IQGAP2: variants seen among roughly 807,000 people sequenced by gnomAD.
IQGAP2 encodes the protein IQ motif containing GTPase activating protein 2.
A neutral mutation model predicts 201.3 loss-of-function variants in IQGAP2; 173 were observed. The ratio of observed to expected loss-of-function variants is 0.86; its 90% confidence interval spans 0.76 to 0.98. IQGAP2 has a LOEUF of 0.98. IQGAP2 is among the 50% of genes least tolerant of loss of function. The pLI, the probability that IQGAP2 is intolerant of heterozygous loss-of-function variation, is 0.00. For missense variants in IQGAP2, 1,687 were observed against 1,864.8 expected, an observed-to-expected ratio of 0.90 and a Z score of 1.76; for synonymous variants, 675 against 673.9, an observed-to-expected ratio of 1.00 and a Z score of -0.03.
At chr5:76,525,600 C>T (rs966421708) in intron 2 of IQGAP2, among the ~76,000 whole-genome samples, 2 of 152,098 alleles carry the variant, frequency 1.3e-5, no homozygotes, top group Non-Finnish European at 2.9e-5. Flanking sequence ...TAAATAAAGC[C>T]AGTAGTTCTC....
intron 2 of IQGAP2, among the ~76,000 whole-genome samples, chr5:76,512,463 C>A (rs1190865459): frequency 6.6e-6 from 1 of 152,130 alleles, no homozygotes; most frequent in Non-Finnish European, 1.5e-5. Context: ...AAATCAAAAC[C>A]TTTTAATTGC....
chr5:76,550,662 G>A (rs942437226), intron 2 of IQGAP2, among the ~76,000 whole-genome samples: 1 of 152,118 alleles, frequency 6.6e-6, no homozygotes, highest in Non-Finnish European at 1.5e-5. Flanking sequence ...GAGAGCACGG[G>A]GTTGGGGGTA....
At chr5:76,510,442 G>C (rs767407327) in intron 2 of IQGAP2, 1 of 289,350 alleles carries the variant, frequency 3.5e-6, no homozygotes, top group African/African-American at 2.3e-5. Context: ...CAGGGGTGGC[G>C]CCTGAGGGTC....
chr5:76,420,664 C>T (rs1156590847), intron 1 of IQGAP2, among the ~76,000 whole-genome samples: 1 of 152,154 alleles, frequency 6.6e-6, no homozygotes, highest in East Asian at 1.9e-4. Flanking sequence ...CGTGAGCCAC[C>T]GTGCCCAGCC....
At chr5:76,618,781 C>G in intron 13 of IQGAP2, 1 of 755,872 alleles carries the variant, frequency 1.3e-6, no homozygotes, top group Non-Finnish European at 2.1e-6. Context: ...ATTAGGCAGT[C>G]AACAAGCATA....
At chr5:76,431,700 G>A (rs1261607957) in intron 1 of IQGAP2, among the ~76,000 whole-genome samples, 2 of 152,012 alleles carry the variant, frequency 1.3e-5, no homozygotes, top group Non-Finnish European at 1.5e-5. Flanking sequence ...GCGCTTGCCT[G>A]TAGTCCCAGC....
intron 33 of IQGAP2, among the ~76,000 whole-genome samples, chr5:76,700,821 G>A (rs1747314278): frequency 6.6e-6 from 1 of 152,196 alleles, no homozygotes; most frequent in East Asian, 1.9e-4. Flanking sequence ...AAAATAGAGT[G>A]TAAGTTTTAT....
chr5:76,683,830 T>C lies in IQGAP2; in HGVS notation c.3818T>C (p.Leu1273Pro), dbSNP rs547879463. Reference sequence around the variant, plus strand: ...AACAAGGCAAATACACTAAGTCAGCTTTCAAAGACCGAGATTTCTCTTGTC... The same window carrying C: ...AACAAGGCAAATACACTAAGTCAGCCTTCAAAGACCGAGATTTCTCTTGTC... Reference protein sequence around the residue: ...DPNKANTLSQLSKTEISLVLT... With the variant: ...DPNKANTLSQPSKTEISLVLT... Residue 1273 changes from leucine to proline, a missense_variant, in exon 30 of 36, where the codon CTT becomes CCT. By Grantham distance (98) the Leu-to-Pro change is moderately conservative. Coordinates refer to ENST00000274364, the MANE Select transcript of IQGAP2 (RefSeq NM_006633.5). 20 of 1,613,820 alleles carry C rather than the reference T, an allele frequency of 1.2e-5. No individual in the cohort carries two copies. In the East Asian group the frequency reaches 4.2e-4, roughly 34 times the overall value.
rs772878589 is a variant in IQGAP2 at position 76,426,933 on chromosome 5, T to TGTGTGTGTG, written c.46+23345_46+23346insTGTGTGGTG. ...GTGTGTGTGTGTGTGTGTGTGTGTGTGTGAGTGTGTGCAGGACTTTACTGA... is the reference window on the plus strand; with the variant it reads ...GTGTGTGTGTGTGTGTGTGTGTGTGTGTGTGTGTGGTGAGTGTGTGCAGGACTTTACTGA... On this transcript the variant is annotated intron_variant, in intron 1 of 35. Transcript: ENST00000274364. Among the ~76,000 whole-genome samples, 52 of 151,958 alleles carry TGTGTGTGTG rather than the reference T, an allele frequency of 3.4e-4. No individual in the cohort carries two copies. In the South Asian group the frequency reaches 8.3e-3, roughly 24 times the overall value.
chr5:76,641,256 G>A (rs996865599), intron 17 of IQGAP2, among the ~76,000 whole-genome samples, 153 bp downstream of exon 17: 1 of 152,086 alleles, frequency 6.6e-6, no homozygotes, highest in Non-Finnish European at 1.5e-5. Context: ...CTTCACTAAG[G>A]CTTTAAAATA....
At chr5:76,535,004 G>A (rs564348952) in intron 2 of IQGAP2, among the ~76,000 whole-genome samples, 3 of 152,280 alleles carry the variant, frequency 2.0e-5, no homozygotes, top group East Asian at 3.9e-4. Flanking sequence ...AAGTTGGAGC[G>A]TGGCATGTTC....
At chr5:76,596,039 C>A (rs1020377057) in intron 9 of IQGAP2, among the ~76,000 whole-genome samples, 2 of 152,046 alleles carry the variant, frequency 1.3e-5, no homozygotes, top group African/African-American at 4.8e-5. Flanking sequence ...TTCTCAGGGT[C>A]CTTTAGGTTA....
intron 13 of IQGAP2, chr5:76,617,917 T>C (rs1246399782): frequency 1.2e-6 from 2 of 1,613,712 alleles, no homozygotes; most frequent in East Asian, 2.2e-5. Context: ...GCCAAGGAGA[T>C]GAAGTAATAG....
At chr5:76,595,665 G>A (rs1029106599) in intron 9 of IQGAP2, among the ~76,000 whole-genome samples, 5 of 151,836 alleles carry the variant, frequency 3.3e-5, no homozygotes, top group Admixed American at 3.3e-4. Flanking sequence ...AGAGACTGAG[G>A]TCGGAGGATC....
Position 76,674,547 on chromosome 5 carries a change from T to A in IQGAP2, c.3365T>A (p.Ile1122Asn). The A allele has an allele frequency of 6.2e-7, 1 of 1,614,124 alleles. No homozygotes were observed. The highest frequency in any genetic ancestry group is 1.3e-5 in the African/African-American group (1 of 75,036). The change falls in exon 27 of 36, where the codon ATC (isoleucine) becomes AAC (asparagine). Residue 1122 changes from isoleucine to asparagine, a missense_variant. Physicochemically the swap from Ile to Asn is moderately radical, Grantham distance 149. Coordinates refer to ENST00000274364, the MANE Select transcript of IQGAP2 (RefSeq NM_006633.5). Reference protein sequence around the residue: ...AIVAPDGFDIIDMTAGGQINS... With the variant: ...AIVAPDGFDINDMTAGGQINS... Reference sequence around the variant, plus strand: ...GTAGCTCCAGATGGCTTTGATATCATCGACATGACAGCTGGAGGTCAGATA... The same window carrying A: ...GTAGCTCCAGATGGCTTTGATATCAACGACATGACAGCTGGAGGTCAGATA...
chr5:76,567,236 A>C (rs1175029140), intron 3 of IQGAP2, among the ~76,000 whole-genome samples: 1 of 152,162 alleles, frequency 6.6e-6, no homozygotes, highest in East Asian at 1.9e-4. Context: ...AATATCCCTA[A>C]TCCAAAAATC....
chr5:76,526,133 T>G (rs1180291349), intron 2 of IQGAP2, among the ~76,000 whole-genome samples: 1 of 152,244 alleles, frequency 6.6e-6, no homozygotes, highest in East Asian at 1.9e-4. Context: ...CTGTACCACC[T>G]TAGGCAAGTT....
intron 1 of IQGAP2, among the ~76,000 whole-genome samples, chr5:76,427,090 G>A (rs1265323602): frequency 6.6e-6 from 1 of 152,100 alleles, no homozygotes; most frequent in African/African-American, 2.4e-5. Flanking sequence ...TTTAGGACTG[G>A]ACAATTCTTG....
At chr5:76,534,710 A>C (rs1454635199) in intron 2 of IQGAP2, among the ~76,000 whole-genome samples, 2 of 152,200 alleles carry the variant, frequency 1.3e-5, no homozygotes, top group Non-Finnish European at 2.9e-5. Context: ...ACCTGATTTG[A>C]AAAACTTTAA....
Sources: gnomAD v4.1 joint callset for allele counts (sites outside exome capture counted in the v4.1 genomes callset) on GRCh38, gnomAD v4.1.1 for gene constraint, MANE v1.5 for transcripts, NCBI Gene and HGNC (gene_info 2026-07-23, HGNC 2026-07-21) for gene names.